Variants in ELP6 observed in about 807,000 individuals in gnomAD.
The protein encoded by ELP6 is elongator complex protein 6.
ELP6 carries 23 observed loss-of-function variants against 28.1 expected under a neutral mutation model. That is an observed-to-expected ratio of 0.82 (90% confidence interval 0.59 to 1.16). The LOEUF (loss-of-function observed/expected upper bound fraction) is 1.16, where lower values mean the gene tolerates loss of function less well. Ranked by LOEUF, ELP6 falls within the 50% of genes most tolerant of loss-of-function variation. The pLI, the probability that ELP6 is intolerant of heterozygous loss-of-function variation, is 0.00. For missense variants in ELP6, 313 were observed against 334.6 expected, an observed-to-expected ratio of 0.94 and a Z score of 0.50; for synonymous variants, 132 against 135.8, an observed-to-expected ratio of 0.97 and a Z score of 0.19.
chr3:47,501,535 G>C, intron 5 of ELP6, 115 bp downstream of exon 5: 1 of 1,096,838 alleles, frequency 9.1e-7, no homozygotes, highest in Non-Finnish European at 1.3e-6. Context: ...GGGCCTGCCA[G>C]AGTAAAGCCA....
chr3:47,513,438 C>A (rs1178576310), intron 1 of ELP6, 99 bp downstream of exon 1: 2 of 1,542,980 alleles, frequency 1.3e-6, no homozygotes, highest in South Asian at 1.2e-5. Flanking sequence ...CGTGCCGGGT[C>A]GTCGCGCCAT....
At chr3:47,511,049 G>C in intron 2 of ELP6, 99 bp downstream of exon 2, 1 of 1,011,042 alleles carries the variant, frequency 9.9e-7, no homozygotes, top group Non-Finnish European at 1.5e-6. Flanking sequence ...CCAAGGCTTG[G>C]CTTGTAAATG....
At position 47,511,267 on chromosome 3, in the gene ELP6, A is replaced by G. The variant is rs143211714; in HGVS notation, c.55-41T>C. 277 of 1,604,194 alleles carry G rather than the reference A, an allele frequency of 1.7e-4. 3 individuals are homozygous for G. In the African/African-American group the frequency reaches 3.3e-3, roughly 19 times the overall value. On this transcript the variant is annotated intron_variant, in intron 1 of 6. Coordinates refer to ENST00000296149, the MANE Select transcript of ELP6 (RefSeq NM_001031703.3). ...AACACAAAAAGGTTAGACTCCCTGG[A>G]AAGAGGTCAGCTTAGTGCAGAAATC...
At chr3:47,512,900 G>C (rs772550917) in intron 1 of ELP6, 2 of 985,502 alleles carry the variant, frequency 2.0e-6, no homozygotes, top group Non-Finnish European at 2.4e-6. Flanking sequence ...TGAGCGCCTG[G>C]GACCCCCCAC....
intron 1 of ELP6, chr3:47,513,140 G>A: frequency 1.2e-6 from 1 of 857,448 alleles, no homozygotes; most frequent in Non-Finnish European, 1.4e-6. Context: ...ACAGGCATGA[G>A]CCACCACGCC....
chr3:47,505,331 G>A lies in ELP6; in HGVS notation c.205-883C>T, dbSNP rs138851780. Among the ~76,000 whole-genome samples the A allele has an allele frequency of 5.3e-3, 806 of 152,140 alleles. 8 individuals carry two copies. The highest frequency in any genetic ancestry group is 0.019 in the African/African-American group (772 of 41,526). On this transcript the variant is annotated intron_variant, in intron 3 of 6. Coordinates refer to ENST00000296149, the MANE Select transcript of ELP6 (RefSeq NM_001031703.3). ...ACAAAAAATGGGATGCAGAAATTTAGTATGCCTATCCCTGCTCAGACTAGG... is the reference window on the plus strand; with the variant it reads ...ACAAAAAATGGGATGCAGAAATTTAATATGCCTATCCCTGCTCAGACTAGG...
In ELP6 at chr3:47,511,133, CA is replaced by C; in HGVS notation, c.133+14del. 1 of 1,609,094 alleles carries C rather than the reference CA, an allele frequency of 6.2e-7. No homozygotes were observed. Among genetic ancestry groups the C allele is most frequent in the Non-Finnish European group, 8.5e-7 (1 of 1,176,366 alleles). On this transcript the variant is annotated intron_variant, in intron 2 of 6. Transcript: ENST00000296149. ...ATCTTGGGTTTCTTTTCTACAGCATCAATGAGTCCCATACCTTTGAGATAGA... is the reference window on the plus strand; with the variant it reads ...ATCTTGGGTTTCTTTTCTACAGCATCATGAGTCCCATACCTTTGAGATAGA...
chr3:47,498,346 G>A lies in ELP6; in HGVS notation c.612C>T (p.Ser204=). 1 of 1,613,764 alleles carries A rather than the reference G, an allele frequency of 6.2e-7. No individual in the cohort carries two copies. Among genetic ancestry groups the A allele is most frequent in the Non-Finnish European group, 8.5e-7 (1 of 1,180,040 alleles). ...DILLNGLSHQ[S]HLILRAEGLA... Reference sequence around the variant, plus strand: ...GGCCCTCAGCCCGCAGTATCAGATGGCTCTGATGACTGAGGCCATTCAGCA... The same window carrying A: ...GGCCCTCAGCCCGCAGTATCAGATGACTCTGATGACTGAGGCCATTCAGCA... Residue 204 remains serine (S), a synonymous_variant, in exon 6 of 7, where the codon AGC becomes AGT. Transcript: ENST00000296149.
At chr3:47,510,301 A>AGAG in intron 2 of ELP6, 47 bp from the exon 3 acceptor site, 1 of 1,536,090 alleles carries the variant, frequency 6.5e-7, no homozygotes, top group Non-Finnish European at 9.0e-7. Context: ...GGTTACAACC[A>AGAG]GACTCACTGA....
At chr3:47,498,931 G>A (rs375112460) in intron 5 of ELP6, among the ~76,000 whole-genome samples, 7 of 152,230 alleles carry the variant, frequency 4.6e-5, no homozygotes, top group African/African-American at 1.4e-4. Context: ...CCTGTAACCC[G>A]GAGGAGCAGG....
At position 47,511,812 on chromosome 3, in the gene ELP6, T is replaced by A. The variant is rs551966502; in HGVS notation, c.55-586A>T. 12 of 986,384 alleles carry A rather than the reference T, an allele frequency of 1.2e-5. No homozygotes were observed. The African/African-American group carries it at 2.1e-4, about 17-fold the overall frequency. 61.1% of individuals were successfully genotyped at this position (986,384 alleles called of 1,614,324 possible). A position where few individuals can be genotyped will look rare whatever the true frequency, so the allele number is the denominator to read the frequency against. ...AAGGGTGGTCTCTGCAGAGCCTGAC[T>A]GTCCTGCTCCATTCACCTCTATTTC... On this transcript the variant is annotated intron_variant, in intron 1 of 6. Transcript: ENST00000296149.
chr3:47,510,359 G>A (rs1708979463), intron 2 of ELP6, 105 bp from the exon 3 acceptor site: 2 of 861,560 alleles, frequency 2.3e-6, no homozygotes, highest in Non-Finnish European at 3.6e-6. Context: ...TAGAGACCCA[G>A]AGGCTTTGCA....
chr3:47,497,617 G>GT (rs1163453002), intron 6 of ELP6, among the ~76,000 whole-genome samples: 2 of 151,264 alleles, frequency 1.3e-5, no homozygotes, highest in Non-Finnish European at 2.9e-5. Context: ...GATTACAGGT[G>GT]TGAGTCTCCA....
intron 1 of ELP6, chr3:47,511,677 T>G (rs563173026): frequency 1.6e-6 from 1 of 618,792 alleles, no homozygotes; most frequent in Admixed American, 5.4e-5. Flanking sequence ...TTCTGTAGGG[T>G]GAGGGAGAAG....
At chr3:47,508,085 C>T (rs1708898551) in intron 3 of ELP6, among the ~76,000 whole-genome samples, 1 of 152,218 alleles carries the variant, frequency 6.6e-6, no homozygotes, top group Non-Finnish European at 1.5e-5. Context: ...GCTCCTGCCC[C>T]GATGTCTAAC....
chr3:47,504,392 G>A lies in ELP6; in HGVS notation c.261C>T (p.Leu87=). The change falls in exon 4 of 7, where the codon CTC becomes CTT. Residue 87 remains leucine (L), a synonymous_variant. Coordinates refer to ENST00000296149, the MANE Select transcript of ELP6 (RefSeq NM_001031703.3). ...GGAAGACGACGTCCACTGCAGACTT[G>A]AGTCCCTCAAGGAACACAAGCTGCC... The part of the protein sequence containing the change: ...ERGQLVFLEG[L]KSAVDVVFQA... The A allele has an allele frequency of 1.2e-6, 2 of 1,610,218 alleles. No homozygotes were observed. Among genetic ancestry groups the A allele is most frequent in the African/African-American group, 2.7e-5 (2 of 74,894 alleles).
chr3:47,502,593 G>A, intron 4 of ELP6: 1 of 974,574 alleles, frequency 1.0e-6, no homozygotes, highest in Non-Finnish European at 1.2e-6. Context: ...CCAGCACTTT[G>A]GGGGGCCAGC....
In ELP6 at chr3:47,496,009, T is replaced by C. The variant is rs1409008888; in HGVS notation, c.*60A>G. On this transcript the variant is annotated 3_prime_UTR_variant, in exon 7 of 7. Transcript: ENST00000296149. Reference sequence around the variant, plus strand: ...AGGAGAAAGACCCATTCTTGCTATGTTGCTCTATCTTCCACGTCCAAAAAC... The same window carrying C: ...AGGAGAAAGACCCATTCTTGCTATGCTGCTCTATCTTCCACGTCCAAAAAC... The C allele has an allele frequency of 6.8e-6, 11 of 1,610,632 alleles. No individual in the cohort carries two copies. Among genetic ancestry groups the C allele is most frequent in the South Asian group, 6.6e-5 (6 of 90,508 alleles).
chr3:47,511,315 A>G, intron 1 of ELP6, 89 bp from the exon 2 acceptor site: 2 of 1,506,932 alleles, frequency 1.3e-6, no homozygotes, highest in Non-Finnish European at 1.8e-6. Flanking sequence ...TCCACACCTT[A>G]ATTTCTCCAC....
Sources: allele counts gnomAD v4.1 joint callset (sites outside exome capture counted in the v4.1 genomes callset), GRCh38; gene constraint gnomAD v4.1.1; transcripts MANE v1.5; gene names NCBI Gene and HGNC (gene_info 2026-07-23, HGNC 2026-07-21).